The following SCRIB variants were observed in gnomAD, a reference collection of about 807,000 sequenced individuals.
The protein encoded by SCRIB is scribble planar cell polarity protein.
In SCRIB, 72 loss-of-function variants were observed where a neutral mutation model predicts 170.0. The ratio of observed to expected loss-of-function variants is 0.42; its 90% CI spans 0.35 to 0.52. The LOEUF (loss-of-function observed/expected upper bound fraction) is 0.52, where lower values mean the gene tolerates loss of function less well. Ranked by LOEUF, SCRIB falls within the 20% of genes least tolerant of loss-of-function variation. SCRIB has a pLI of 0.02. For missense variants in SCRIB, 2,475 were observed against 2,338.5 expected (o/e 1.06, Z -1.20); for synonymous variants, 1,298 against 1,044.3 (o/e 1.24, Z -4.68).
At chr8:143,793,445 G>A (rs895427624) in intron 28 of SCRIB, 1 of 298,602 alleles carries the variant, frequency 3.3e-6, no homozygotes, top group Admixed American at 4.8e-5. Flanking sequence ...GAGAGAGAGA[G>A]ACCGACCAAC....
At chr8:143,807,462 A>G in intron 16 of SCRIB, 90 bp downstream of exon 16, 1 of 1,059,572 alleles carries the variant, frequency 9.4e-7, no homozygotes, top group East Asian at 2.4e-5. Flanking sequence ...TCTGCGCTCA[A>G]GCAACAGGGG....
In SCRIB at chr8:143,815,292, C is replaced by A. The variant is rs1175953823; in HGVS notation, c.81G>T (p.Val27=). The A allele has an allele frequency of 1.9e-6, 3 of 1,596,196 alleles. No individual in the cohort carries two copies. Among genetic ancestry groups the A allele is most frequent in the Admixed American group, 3.4e-5 (2 of 59,166 alleles). Residue 27 remains valine (V), a synonymous_variant, in exon 1 of 37, where the codon GTG becomes GTT. Transcript: ENST00000356994. ...VDKRHCSLQA[V]PEEIYRYSRS... ...GGCTGTAGCGGTAGATCTCCTCCGG[C>A]ACGGCCTGCAGCGAACAGTGCCGCT...
intron 31 of SCRIB, 25 bp from the exon 32 acceptor site, chr8:143,792,430 T>TG (rs782393244): frequency 8.8e-6 from 13 of 1,479,776 alleles, no homozygotes; most frequent in Admixed American, 4.3e-5. Context: ...GGACGTGCTG[T>TG]GGGGGGCAGG....
Position 143,808,472 on chromosome 8 carries a change from G to A in SCRIB, c.2115+137C>T, listed in dbSNP as rs2130107081. On this transcript the variant is annotated intron_variant, in intron 15 of 36. Transcript: ENST00000356994. ...TGAGAGTGGCCGTGATGCCGACTGT[G>A]GAGCACACGTGTCCACCACCTTCTC... is the stretch of plus-strand genomic sequence containing the variant. 2.9e-6 allele frequency: 3 copies of A among 1,047,984 alleles called. No homozygotes were observed. In the South Asian group the frequency reaches 6.8e-5, roughly 24 times the overall value. 64.9% of individuals were successfully genotyped at this position (1,047,984 alleles called of 1,614,324 possible). A position where few individuals can be genotyped will look rare whatever the true frequency, so the allele number is the denominator to read the frequency against.
chr8:143,809,603 T>C lies in SCRIB; in HGVS notation c.1646A>G (p.Gln549Arg), dbSNP rs781714618. ...CTCCCCGCCAGCAGTCGTGGCTTCC[T>C]GCTGGCTCCCACCCTGTGCCTCAGC... ...PSAEAQGGSQ[Q>R]EATTAGGEED... Residue 549 changes from glutamine to arginine, a missense_variant, in exon 14 of 37, where the codon CAG becomes CGG. By Grantham distance (43) the Gln-to-Arg change is conservative. Around this residue, in one of 3 missense-constraint regions of SCRIB, gnomAD observed 1,966 missense variants for 1,742.9 expected, o/e 1.13. Transcript: ENST00000356994. 22 of 1,611,520 alleles carry C rather than the reference T, an allele frequency of 1.4e-5. No homozygotes were observed. The East Asian group carries it at 4.7e-4, about 34-fold the overall frequency.
intron 17 of SCRIB, 49 bp downstream of exon 17, chr8:143,806,875 G>T (rs1247564632): frequency 5.4e-6 from 7 of 1,295,158 alleles, no homozygotes; most frequent in Non-Finnish European, 7.7e-6. Flanking sequence ...TGTGAACTGT[G>T]GTGGGGCAGG....
rs142777185 is a variant in SCRIB at position 143,810,732 on chromosome 8, G to A, written c.1358C>T (p.Ala453Val). ...SRVSVIQFLEAPIGDEDAEEA... is the reference protein window; with the variant it reads ...SRVSVIQFLEVPIGDEDAEEA... ...CTCAGCGTCCTCATCACCTATGGGG[G>A]CCTCCAGGAACTGGATGACGCTGAC... Residue 453 changes from alanine to valine, a missense_variant, in exon 12 of 37, where the codon GCC becomes GTC. By Grantham distance (64) the Ala-to-Val change is moderately conservative. Around this residue, in one of 3 missense-constraint regions of SCRIB, gnomAD observed 1,966 missense variants for 1,742.9 expected, o/e 1.13. Transcript: ENST00000356994. 46 of 1,608,984 alleles carry A rather than the reference G, an allele frequency of 2.9e-5. No individual in the cohort carries two copies. The African/African-American group carries it at 5.1e-4, about 18-fold the overall frequency.
At position 143,813,687 on chromosome 8, in the gene SCRIB, G is replaced by A; in HGVS notation, c.396C>T (p.His132=). The A allele has an allele frequency of 6.2e-7, 1 of 1,613,626 alleles. No individual in the cohort carries two copies. Among genetic ancestry groups the A allele is most frequent in the Non-Finnish European group, 8.5e-7 (1 of 1,180,024 alleles). The change falls in exon 4 of 37, where the codon CAC becomes CAT. Residue 132 remains histidine (H), a synonymous_variant. Transcript: ENST00000356994. Reference sequence around the variant, plus strand: ...GCAGAGACACATCATTCAGGGCCAGGTGAGCCAGGCTGCGCAGCTGAGTGA... The same window carrying A: ...GCAGAGACACATCATTCAGGGCCAGATGAGCCAGGCTGCGCAGCTGAGTGA... ...DGFTQLRSLA[H]LALNDVSLQA... is the part of the protein sequence containing the mutation.
chr8:143,793,229 A>G, intron 28 of SCRIB, 146 bp from the exon 29 acceptor site: 1 of 522,836 alleles, frequency 1.9e-6, no homozygotes, highest in Admixed American at 3.8e-5. Flanking sequence ...AGGCTCTGCC[A>G]CCCCCACCCA....
Position 143,791,381 on chromosome 8 carries a change from C to T in SCRIB, c.4822+8G>A, listed in dbSNP as rs1820072092. The T allele has an allele frequency of 6.2e-7, 1 of 1,608,404 alleles. No homozygotes were observed. The highest frequency in any genetic ancestry group is 2.2e-5 in the East Asian group (1 of 44,562). ...CTGGGAGCTCACCCCAGCCCGGCCC[C>T]AACTCACCAGGGCTGGGAGATGGTT... On this transcript the variant is annotated splice_region_variant and intron_variant, in intron 36 of 36. Transcript: ENST00000356994.
chr8:143,795,693 C>T (rs114636042), intron 24 of SCRIB, among the ~76,000 whole-genome samples, 163 bp from the exon 25 acceptor site: 1,787 of 152,266 alleles, frequency 0.012, 28 homozygotes, highest in African/African-American at 0.038. Context: ...GAGGGCACTC[C>T]GCTGGGCCCC....
intron 21 of SCRIB, 28 bp from the exon 22 acceptor site, chr8:143,804,184 G>C: frequency 6.5e-7 from 1 of 1,537,048 alleles, no homozygotes; most frequent in African/African-American, 1.4e-5. Flanking sequence ...GACAAGGACA[G>C]GCCTCGGTCA....
In SCRIB at chr8:143,812,865, C is replaced by T; in HGVS notation, c.739G>A (p.Asp247Asn). Reference protein sequence around the residue: ...AELGGLVLLTDLLLSQNLLRR... With the variant: ...AELGGLVLLTNLLLSQNLLRR... ...AGCAGGTTCTGGGACAGCAGCAGGT[C>T]AGTGAGCAGCACCAGCCCGCCGAGC... is the stretch of plus-strand genomic sequence containing the variant. The change falls in exon 8 of 37, where the codon GAC becomes AAC. Residue 247 changes from aspartate (D) to asparagine (N), a missense_variant. Around this residue, in one of 3 missense-constraint regions of SCRIB, gnomAD observed 487 missense variants for 558.1 expected, o/e 0.87. Coordinates refer to ENST00000356994, the MANE Select transcript of SCRIB (RefSeq NM_182706.5). The T allele has an allele frequency of 6.2e-7, 1 of 1,607,398 alleles. No individual in the cohort carries two copies.
At chr8:143,808,019 C>T (rs548426798) in intron 15 of SCRIB, among the ~76,000 whole-genome samples, 2 of 152,320 alleles carry the variant, frequency 1.3e-5, no homozygotes, top group South Asian at 2.1e-4. Context: ...GAGGGACACA[C>T]TGGTGCCCCG....
intron 3 of SCRIB, 41 bp from the exon 4 acceptor site, chr8:143,813,767 G>C: frequency 1.9e-6 from 3 of 1,611,842 alleles, no homozygotes; most frequent in African/African-American, 1.3e-5. Flanking sequence ...GACCAGTCCA[G>C]GGCTGTGGGA....
At chr8:143,814,171 A>C in intron 1 of SCRIB, 53 bp from the exon 2 acceptor site, 1 of 1,429,790 alleles carries the variant, frequency 7.0e-7, no homozygotes, top group South Asian at 1.2e-5. Flanking sequence ...CAGAGCAGAG[A>C]AGAGCTCCTG....
rs1218150344 is a variant in SCRIB at position 143,810,620 on chromosome 8, G to C, written c.1405-16C>G. The C allele has an allele frequency of 6.2e-7, 1 of 1,609,802 alleles. No homozygotes were observed. Among genetic ancestry groups the C allele is most frequent in the South Asian group, 1.1e-5 (1 of 91,006 alleles). On this transcript the variant is annotated splice_polypyrimidine_tract_variant and intron_variant, in intron 12 of 36. Coordinates refer to ENST00000356994, the MANE Select transcript of SCRIB (RefSeq NM_182706.5). Reference sequence around the variant, plus strand: ...GCTGTAGGCCCTGTTGTAGGGACAAGGATGAGCAGCAGCCACAGGGCAGGG... The same window carrying C: ...GCTGTAGGCCCTGTTGTAGGGACAACGATGAGCAGCAGCCACAGGGCAGGG...
In SCRIB at chr8:143,811,220, G is replaced by A. The variant is rs772574645; in HGVS notation, c.1032C>T (p.Asp344=). 7 of 1,611,464 alleles carry A rather than the reference G, an allele frequency of 4.3e-6. No individual in the cohort carries two copies. The highest frequency in any genetic ancestry group is 5.9e-6 in the Non-Finnish European group (7 of 1,179,464). Residue 344 remains aspartate (D), a synonymous_variant, in exon 10 of 37, where the codon GAC becomes GAT. Transcript: ENST00000356994. ...CTGGTGGCAGGACGGCCAGGCGGTTGTCCCTCAAGGAGAGGACGCTGAGTG... is the reference window on the plus strand; with the variant it reads ...CTGGTGGCAGGACGGCCAGGCGGTTATCCCTCAAGGAGAGGACGCTGAGTG... ...CVALSVLSLR[D]NRLAVLPPEL... is the part of the protein sequence containing the mutation.
At chr8:143,812,182 C>G in intron 9 of SCRIB, 84 bp downstream of exon 9, 1 of 912,920 alleles carries the variant, frequency 1.1e-6, no homozygotes, top group Non-Finnish European at 1.8e-6. Flanking sequence ...CAGCACCCCC[C>G]AGCAGCAGAC....
Sources: gnomAD v4.1 joint callset for allele counts (sites outside exome capture counted in the v4.1 genomes callset) on GRCh38, gnomAD v4.1.1 for gene constraint, gnomAD v4.1.1 regional missense constraint, MANE v1.5 for transcripts, NCBI Gene and HGNC (gene_info 2026-07-23, HGNC 2026-07-21) for gene names.